DDIAS: variants seen among roughly 807,000 people sequenced by gnomAD.
The protein encoded by DDIAS is DNA damage induced apoptosis suppressor, also known as DNA damage-induced apoptosis suppressor protein.
Under a neutral mutation model 15.7 loss-of-function variants are expected in DDIAS, and 14 were observed. The ratio of observed to expected loss-of-function variants is 0.89; its 90% CI spans 0.59 to 1.39. The LOEUF (loss-of-function observed/expected upper bound fraction) is 1.39, where lower values mean the gene tolerates loss of function less well. Ranked by LOEUF, DDIAS falls within the 40% of genes most tolerant of loss-of-function variation. The pLI is 0.00. For synonymous variants in DDIAS, 355 were observed against 395.9 expected, an observed-to-expected ratio of 0.90 and a Z score of 1.23; for missense variants, 1,035 against 1,130.9, an observed-to-expected ratio of 0.92 and a Z score of 1.22.
rs757971341 is a variant in DDIAS at position 82,932,962 on chromosome 11, CTG to C, written c.1626_1627del (p.Ser543PhefsTer13). The C allele has an allele frequency of 2.5e-6, 4 of 1,612,516 alleles. No individual in the cohort carries two copies. The Admixed American group carries it at 6.7e-5, about 27-fold the overall frequency. On this transcript the variant is annotated frameshift_variant, in exon 6 of 6. Coordinates refer to ENST00000533655, the MANE Select transcript of DDIAS (RefSeq NM_145018.4). LOFTEE classifies it low-confidence loss of function (END_TRUNC). ...YFLPNPYLSA[L>X]SSSSKDLETI... is the part of the protein sequence containing the mutation. ...TTTACCGAATCCTTACCTGTCAGCT[CTG>C]TCTTCATCTTCAAAAGATTTAGAAA...
intron 3 of DDIAS, among the ~76,000 whole-genome samples, chr11:82,921,087 G>A (rs1860736930): frequency 2.0e-5 from 3 of 152,122 alleles, no homozygotes; most frequent in Admixed American, 6.5e-5. Context: ...GTTTAGGATT[G>A]TGATATTTCT....
In DDIAS at chr11:82,933,557, C is replaced by A. The variant is rs1267272500; in HGVS notation, c.2219C>A (p.Ser740Tyr). ...CAAAAATTATCCTTGCAAAGCCTAT[C>A]TGACTCTAGGCATTCAAGAACATGC... ...PSQKLSLQSL[S>Y]DSRHSRTCSP... Residue 740 changes from serine to tyrosine, a missense_variant, in exon 6 of 6, where the codon TCT becomes TAT. Transcript: ENST00000533655. The A allele has an allele frequency of 1.9e-6, 3 of 1,614,088 alleles. No homozygotes were observed. Among genetic ancestry groups the A allele is most frequent in the Non-Finnish European group, 2.5e-6 (3 of 1,179,980 alleles).
intron 1 of DDIAS, among the ~76,000 whole-genome samples, chr11:82,908,499 T>C (rs376595623): frequency 6.6e-6 from 1 of 152,246 alleles, no homozygotes; most frequent in Admixed American, 6.5e-5. Flanking sequence ...GATTTTAGAA[T>C]GTGGAGGACA....
intron 2 of DDIAS, chr11:82,914,027 C>A: frequency 2.5e-6 from 1 of 403,102 alleles, no homozygotes; most frequent in South Asian, 1.8e-5. Flanking sequence ...ACCTCCGCAT[C>A]CTAGGTTCAA....
At chr11:82,913,117 T>A (rs79645521) in intron 1 of DDIAS, among the ~76,000 whole-genome samples, 170 bp from the exon 2 acceptor site, 5,288 of 152,264 alleles carry the variant, frequency 0.035, 164 homozygotes, top group East Asian at 0.084. Flanking sequence ...AGATGGAAGG[T>A]GAGCACATGC....
chr11:82,913,267 TTTTG>T lies in DDIAS; in HGVS notation c.-116-16_-116-13del, dbSNP rs1466056492. Reference sequence around the variant, plus strand: ...GTATTTTATTATTTGACTTCTCTGATTTTGTTTATTTGGAGATAGGGTCTTGCTC... The same window carrying T: ...GTATTTTATTATTTGACTTCTCTGATTTTATTTGGAGATAGGGTCTTGCTC... On this transcript the variant is annotated splice_polypyrimidine_tract_variant and intron_variant, in intron 1 of 5. Coordinates refer to ENST00000533655, the MANE Select transcript of DDIAS (RefSeq NM_145018.4). The T allele has an allele frequency of 6.5e-6, 1 of 152,732 alleles. No homozygotes were observed. The highest frequency in any genetic ancestry group is 1.5e-5 in the Non-Finnish European group (1 of 68,472). 9.5% of individuals were successfully genotyped at this position (152,732 alleles called of 1,614,324 possible).
Position 82,931,947 on chromosome 11 carries a change from CT to C in DDIAS, c.611del (p.Leu204TyrfsTer4). On this transcript the variant is annotated frameshift_variant, in exon 6 of 6. Transcript: ENST00000533655. LOFTEE classifies it low-confidence loss of function (END_TRUNC). ...GTGACTCTCAGGCACCTAACAATCACTTACTTGCTTTAGATCACTCAAATAG... is the reference window on the plus strand; with the variant it reads ...GTGACTCTCAGGCACCTAACAATCACTACTTGCTTTAGATCACTCAAATAG... ...QCDSQAPNNH[L>X]LALDHSNSDL... 6.2e-7 allele frequency: 1 copy of C among 1,614,116 alleles called. No homozygotes were observed. Among genetic ancestry groups the C allele is most frequent in the South Asian group, 1.1e-5 (1 of 91,080 alleles).
rs1156838723 is a variant in DDIAS, at chr11:82,933,011, C to T, written c.1673C>T (p.Thr558Ile). Residue 558 changes from threonine to isoleucine, a missense_variant, in exon 6 of 6, where the codon ACT (threonine) becomes ATT (isoleucine). Coordinates refer to ENST00000533655, the MANE Select transcript of DDIAS (RefSeq NM_145018.4). ...GAAACAATAGTTACTCTTAAGAAGA[C>T]TATCAGAATCTCACCACACAGGGAG... ...DLETIVTLKK[T>I]IRISPHRESD... 3 of 1,609,338 alleles carry T rather than the reference C, an allele frequency of 1.9e-6. 1 individual carries two copies. In the South Asian group the frequency reaches 3.3e-5, roughly 18 times the overall value.
chr11:82,914,868 T>TAA lies in DDIAS; in HGVS notation c.113+18_113+19dup. Reference sequence around the variant, plus strand: ...CTCCAAAAGGTAAAAGTAAAGTCTGTAAGTGTGAGAGAGGAAATACAAATG... The same window carrying TAA: ...CTCCAAAAGGTAAAAGTAAAGTCTGTAAAAGTGTGAGAGAGGAAATACAAATG... On this transcript the variant is annotated intron_variant, in intron 3 of 5. Coordinates refer to ENST00000533655, the MANE Select transcript of DDIAS (RefSeq NM_145018.4). 1.3e-6 allele frequency: 2 copies of TAA among 1,491,118 alleles called. No individual in the cohort carries two copies. The highest frequency in any genetic ancestry group is 1.9e-6 in the Non-Finnish European group (2 of 1,076,208). 92.4% of individuals were successfully genotyped at this position (1,491,118 alleles called of 1,614,324 possible). A position where few individuals can be genotyped will look rare whatever the true frequency, so the allele number is the denominator to read the frequency against.
intron 1 of DDIAS, among the ~76,000 whole-genome samples, chr11:82,903,615 TCTTA>T (rs1197171294): frequency 2.6e-5 from 4 of 152,248 alleles, no homozygotes; most frequent in Admixed American, 2.0e-4. Context: ...TGCCTGCCTC[TCTTA>T]CTTTTCTAGA....
intron 1 of DDIAS, among the ~76,000 whole-genome samples, chr11:82,910,149 T>C: frequency 6.6e-6 from 1 of 152,240 alleles, no homozygotes; most frequent in East Asian, 1.9e-4. Flanking sequence ...TGCCATGTGT[T>C]TAAAAATGAA....
At position 82,934,656 on chromosome 11, in the gene DDIAS, A is replaced by C. The variant is rs1261621121; in HGVS notation, c.*321A>C. On this transcript the variant is annotated 3_prime_UTR_variant, in exon 6 of 6. Coordinates refer to ENST00000533655, the MANE Select transcript of DDIAS (RefSeq NM_145018.4). Reference sequence around the variant, plus strand: ...TCCAGAAATAAAGACTTTGCAAACCAAAACTTAGTCTTTTTTAATTGTTCA... The same window carrying C: ...TCCAGAAATAAAGACTTTGCAAACCCAAACTTAGTCTTTTTTAATTGTTCA... 1 of 199,180 alleles carries C rather than the reference A, an allele frequency of 5.0e-6. No homozygotes were observed. The highest frequency in any genetic ancestry group is 2.3e-5 in the African/African-American group (1 of 43,310). 12.3% of individuals were successfully genotyped at this position (199,180 alleles called of 1,614,324 possible).
intron 1 of DDIAS, among the ~76,000 whole-genome samples, chr11:82,912,921 C>T (rs745335808): frequency 1.8e-4 from 27 of 152,038 alleles, no homozygotes; most frequent in African/African-American, 6.0e-4. Context: ...GGAGACCCAA[C>T]AAGAGGGAGA....
At position 82,933,823 on chromosome 11, in the gene DDIAS, A is replaced by G; in HGVS notation, c.2485A>G (p.Thr829Ala). 1 of 1,613,540 alleles carries G rather than the reference A, an allele frequency of 6.2e-7. No individual in the cohort carries two copies. Among genetic ancestry groups the G allele is most frequent in the Non-Finnish European group, 8.5e-7 (1 of 1,179,912 alleles). The stretch of plus-strand genomic sequence containing the variant: ...CCCAAGCTGTCCAAAAAATATAAAA[A>G]CACCTAGCCAGAAAATCAGAAGCCC... The part of the protein sequence containing the change: ...ASPSCPKNIK[T>A]PSQKIRSPIV... The change falls in exon 6 of 6, where the codon ACA (threonine) becomes GCA (alanine). Residue 829 changes from threonine (T) to alanine (A), a missense_variant. Physicochemically the swap from Thr to Ala is moderately conservative, Grantham distance 58. Coordinates refer to ENST00000533655, the MANE Select transcript of DDIAS (RefSeq NM_145018.4).
intron 3 of DDIAS, among the ~76,000 whole-genome samples, chr11:82,926,251 G>A (rs369773904): frequency 2.0e-5 from 3 of 151,900 alleles, no homozygotes; most frequent in South Asian, 4.2e-4. Context: ...CACCACGTTC[G>A]TTAATTTTTG....
intron 3 of DDIAS, among the ~76,000 whole-genome samples, chr11:82,917,907 G>C (rs569823437): frequency 6.6e-6 from 1 of 152,144 alleles, no homozygotes; most frequent in East Asian, 1.9e-4. Flanking sequence ...GTGATGTTGA[G>C]CATTTTTTCA....
intron 3 of DDIAS, among the ~76,000 whole-genome samples, chr11:82,921,735 C>T (rs1180498749): frequency 6.6e-6 from 1 of 151,948 alleles, no homozygotes; most frequent in African/African-American, 2.4e-5. Context: ...CCCACCACCA[C>T]GTCCAGCTAA....
In DDIAS at chr11:82,931,790, C is replaced by G; in HGVS notation, c.452C>G (p.Ser151Cys). Residue 151 changes from serine to cysteine, a missense_variant, in exon 6 of 6, where the codon TCT becomes TGT. Physicochemically the swap from Ser to Cys is moderately radical, Grantham distance 112. Coordinates refer to ENST00000533655, the MANE Select transcript of DDIAS (RefSeq NM_145018.4). ...GCCAGTAACTTCTTACAGCAATGCTCTGACCACAAAAGAAAAGCCAAAGCA... is the reference window on the plus strand; with the variant it reads ...GCCAGTAACTTCTTACAGCAATGCTGTGACCACAAAAGAAAAGCCAAAGCA... ...SDASNFLQQC[S>C]DHKRKAKALV... is the part of the protein sequence containing the mutation. 6.2e-7 allele frequency: 1 copy of G among 1,614,180 alleles called. No individual in the cohort carries two copies. The highest frequency in any genetic ancestry group is 8.5e-7 in the Non-Finnish European group (1 of 1,180,028).
chr11:82,933,456 A>G lies in DDIAS; in HGVS notation c.2118A>G (p.Thr706=), dbSNP rs774987092. ...AGGATATTTTGTTAAAATGGGGAAC[A>G]TCTTTGGCAGAAAGTCACCCTTCAG... ...KSQDILLKWG[T]SLAESHPSES... Residue 706 remains threonine, a synonymous_variant, in exon 6 of 6, where the codon ACA becomes ACG. Transcript: ENST00000533655. 13 of 1,613,842 alleles carry G rather than the reference A, an allele frequency of 8.1e-6. No individual in the cohort carries two copies. The South Asian group carries it at 1.2e-4, about 15-fold the overall frequency.
Sources: gnomAD v4.1 joint callset for allele counts (sites outside exome capture counted in the v4.1 genomes callset) on GRCh38, gnomAD v4.1.1 for gene constraint, MANE v1.5 for transcripts, NCBI Gene and HGNC (gene_info 2026-07-23, HGNC 2026-07-21) for gene names.